PACRG: variants seen among roughly 807,000 people sequenced by gnomAD.
The protein encoded by PACRG is parkin coregulated, also known as parkin coregulated gene protein.
In PACRG, 29 loss-of-function variants were observed where a neutral mutation model predicts 29.7. The ratio of observed to expected loss-of-function variants is 0.98; its 90% CI spans 0.73 to 1.33. PACRG has a LOEUF of 1.33. PACRG is among the 40% of genes most tolerant of loss of function. The probability of loss-of-function intolerance (pLI) is 0.00; values close to 1 mark genes in which losing one functional copy is unlikely to be tolerated. For synonymous variants in PACRG, 116 were observed against 118.7 expected (o/e 0.98, Z 0.15); for missense variants, 279 against 316.2 (o/e 0.88, Z 0.89).
At chr6:162,805,879 G>A (rs1353943537) in intron 1 of PACRG, among the ~76,000 whole-genome samples, 1 of 152,092 alleles carries the variant, frequency 6.6e-6, no homozygotes, top group African/African-American at 2.4e-5. Flanking sequence ...TACATCTCCA[G>A]TTACTCCACT....
At chr6:163,173,478 C>T (rs997365839) in intron 4 of PACRG, among the ~76,000 whole-genome samples, 31 of 152,174 alleles carry the variant, frequency 2.0e-4, no homozygotes, top group African/African-American at 7.2e-4. Flanking sequence ...TACTGCAACC[C>T]ATTTTAGAAA....
intron 4 of PACRG, among the ~76,000 whole-genome samples, chr6:163,289,762 G>A (rs1275807051): frequency 2.0e-5 from 3 of 151,930 alleles, no homozygotes; most frequent in Non-Finnish European, 4.4e-5. Flanking sequence ...GGGGGAGCTG[G>A]TGCCAGGGCA....
intron 2 of PACRG, among the ~76,000 whole-genome samples, chr6:162,932,849 TA>T (rs1348536955): frequency 6.6e-6 from 1 of 151,998 alleles, no homozygotes; most frequent in African/African-American, 2.4e-5. Flanking sequence ...ATTTCTAAAA[TA>T]TTTTTGTCTT....
At position 163,233,902 on chromosome 6, in the gene PACRG, C is replaced by T. The variant is rs549883080; in HGVS notation, c.614-80925C>T. ...ACTGTCCTTCATTGTTAAGATTTCA[C>T]CAAATGAGAGACATTCAAATAGAAA... On this transcript the variant is annotated intron_variant, in intron 4 of 4. Transcript: ENST00000366888. Among the ~76,000 whole-genome samples the T allele has an allele frequency of 5.9e-5, 9 of 152,240 alleles. No individual in the cohort carries two copies. In the South Asian group the frequency reaches 8.3e-4, roughly 14 times the overall value.
intron 1 of PACRG, among the ~76,000 whole-genome samples, chr6:162,763,068 T>C (rs528349228): frequency 6.6e-6 from 1 of 152,348 alleles, no homozygotes; most frequent in East Asian, 1.9e-4. Context: ...ATTTTAGGAC[T>C]TGCCTCACAC....
chr6:162,804,084 A>T (rs947913473), intron 1 of PACRG, among the ~76,000 whole-genome samples: 1 of 152,230 alleles, frequency 6.6e-6, no homozygotes, highest in Non-Finnish European at 1.5e-5. Flanking sequence ...CTAAATGGAA[A>T]GGACATAAAA....
At position 162,777,435 on chromosome 6, in the gene PACRG, C is replaced by G. The variant is rs577336318; in HGVS notation, c.157-36712C>G. 6.6e-6 allele frequency among the ~76,000 whole-genome samples: 1 copy of G among 152,326 alleles called. No homozygotes were observed. Among genetic ancestry groups the G allele is most frequent in the Admixed American group, 6.5e-5 (1 of 15,308 alleles). On this transcript the variant is annotated intron_variant, in intron 1 of 4. Coordinates refer to ENST00000366888, the MANE Select transcript of PACRG (RefSeq NM_001080379.2). The surrounding 1 kb of genome is among the most constrained non-coding windows in gnomAD (Gnocchi z 4.0). ...ATTTTCATTCCGGATTTCAGAATTC[C>G]CATCACACCATCCCAAATTCTACTA...
At chr6:163,100,975 G>A in intron 4 of PACRG, 8 of 984,490 alleles carry the variant, frequency 8.1e-6, no homozygotes, top group Non-Finnish European at 9.6e-6. Flanking sequence ...ACCAAGTTCT[G>A]TTCAGAGCCC....
chr6:163,198,569 G>A (rs1387199563), intron 4 of PACRG, among the ~76,000 whole-genome samples: 1 of 152,168 alleles, frequency 6.6e-6, no homozygotes, highest in Non-Finnish European at 1.5e-5. Context: ...GGATCGGATG[G>A]GCACCGAGGT....
At chr6:162,785,689 C>T (rs888761451) in intron 1 of PACRG, among the ~76,000 whole-genome samples, 1 of 152,198 alleles carries the variant, frequency 6.6e-6, no homozygotes, top group Non-Finnish European at 1.5e-5. Flanking sequence ...CTTGCATGTG[C>T]AGTTTACAAT....
intron 4 of PACRG, among the ~76,000 whole-genome samples, chr6:163,274,465 T>C (rs540106768): frequency 6.6e-6 from 1 of 152,358 alleles, no homozygotes; most frequent in South Asian, 2.1e-4. Context: ...AAGTCTTTGC[T>C]ATTGTGAATA....
intron 2 of PACRG, among the ~76,000 whole-genome samples, chr6:162,822,004 T>G (rs1787884779): frequency 6.6e-6 from 1 of 152,216 alleles, no homozygotes; most frequent in Non-Finnish European, 1.5e-5. Context: ...TATTGAAGTT[T>G]TTGTTGTCTT....
In PACRG at chr6:162,939,665, C is replaced by T. The variant is rs145168526; in HGVS notation, c.292-122485C>T. 3.4e-4 allele frequency among the ~76,000 whole-genome samples: 42 copies of T among 123,884 alleles called. No homozygotes were observed. The East Asian group carries it at 9.3e-3, about 27-fold the overall frequency. 81.3% of individuals were successfully genotyped at this position (123,884 alleles called of 152,430 possible). A position where few individuals can be genotyped will look rare whatever the true frequency, so the allele number is the denominator to read the frequency against. On this transcript the variant is annotated intron_variant, in intron 2 of 4. Coordinates refer to ENST00000366888, the MANE Select transcript of PACRG (RefSeq NM_001080379.2). ...TTCCTTTTCCATTAATTTTACATCTCCTGTATTTGACGTGTGTGTGTGTGT... is the reference window on the plus strand; with the variant it reads ...TTCCTTTTCCATTAATTTTACATCTTCTGTATTTGACGTGTGTGTGTGTGT...
At chr6:162,898,751 T>C (rs1795346310) in intron 2 of PACRG, among the ~76,000 whole-genome samples, 1 of 152,220 alleles carries the variant, frequency 6.6e-6, no homozygotes, top group African/African-American at 2.4e-5. Context: ...ACACAATAAA[T>C]ATTAGCTATT....
chr6:163,124,107 A>T (rs1350798008), intron 4 of PACRG, among the ~76,000 whole-genome samples: 1 of 152,222 alleles, frequency 6.6e-6, no homozygotes, highest in African/African-American at 2.4e-5. Flanking sequence ...AGAAATGTCT[A>T]TTCAAGTCCT....
chr6:162,965,143 G>T (rs879561875), intron 2 of PACRG, among the ~76,000 whole-genome samples: 1 of 152,172 alleles, frequency 6.6e-6, no homozygotes. Flanking sequence ...CTTTATCCCT[G>T]TGGGGAGCCA....
At chr6:163,249,086 C>T (rs1230437481) in intron 4 of PACRG, among the ~76,000 whole-genome samples, 8 of 150,238 alleles carry the variant, frequency 5.3e-5, no homozygotes, top group Admixed American at 2.6e-4. Flanking sequence ...AATAGAAAGT[C>T]GGTCACTTAA....
intron 2 of PACRG, among the ~76,000 whole-genome samples, chr6:162,850,760 A>G (rs115508436): frequency 3.5e-4 from 53 of 152,282 alleles, no homozygotes; most frequent in African/African-American, 1.2e-3. Flanking sequence ...CAGTAAACTT[A>G]AGTGTTTCCC....
chr6:162,842,811 G>A (rs1789925975), intron 2 of PACRG, among the ~76,000 whole-genome samples: 1 of 127,390 alleles, frequency 7.8e-6, no homozygotes, highest in Admixed American at 8.2e-5. Context: ...AAATCTCTCA[G>A]CATTTGCTTG....
Sources: gnomAD v4.1 joint callset for allele counts (sites outside exome capture counted in the v4.1 genomes callset) on GRCh38, gnomAD v4.1.1 for gene constraint, Gnocchi (gnomAD v3.1) non-coding constraint, MANE v1.5 for transcripts, NCBI Gene and HGNC (gene_info 2026-07-23, HGNC 2026-07-21) for gene names.